Variants in SLAMF9 observed in about 807,000 individuals in gnomAD.
SLAMF9 encodes SLAM family member 9.
Under a neutral mutation model 30.4 loss-of-function variants are expected in SLAMF9, and 25 were observed. The ratio of observed to expected loss-of-function variants is 0.82; its 90% CI spans 0.60 to 1.15. SLAMF9 has a LOEUF of 1.15. Among genes scored for constraint, SLAMF9 ranks in the 50% most tolerant of loss-of-function variants. The pLI, the probability that SLAMF9 is intolerant of heterozygous loss-of-function variation, is 0.00. For missense variants in SLAMF9, 344 were observed against 346.1 expected (o/e 0.99, Z 0.05); for synonymous variants, 129 against 127.2 (o/e 1.01, Z -0.09).
At chr1:159,958,262 C>T (rs926172791), upstream of SLAMF9, among the ~76,000 whole-genome samples, 11 of 152,316 alleles carry the variant, frequency 7.2e-5, no homozygotes, top group East Asian at 1.9e-3. Flanking sequence ...GGAGCCGAGG[C>T]TGCTACAGTG....
chr1:159,976,269 A>G, the SLAMF9 span, among the ~76,000 whole-genome samples: 1 of 152,240 alleles, frequency 6.6e-6, no homozygotes, highest in African/African-American at 2.4e-5. Context: ...ATAATGAAAT[A>G]TAATGTAGCC....
At chr1:159,977,884 G>A in the SLAMF9 span, among the ~76,000 whole-genome samples, 1 of 152,134 alleles carries the variant, frequency 6.6e-6, no homozygotes, top group African/African-American at 2.4e-5. Flanking sequence ...GAGATCAAAG[G>A]CTCGCCAAAC....
Position 159,951,644 on chromosome 1 carries a change from G to A in SLAMF9, c.*17C>T, listed in dbSNP as rs370276711. The stretch of plus-strand genomic sequence containing the variant: ...TGGGAAGAAACCAAGCTCAGGACTG[G>A]GGTTCCCAAGGAGCAGTCAGGCAGG... On this transcript the variant is annotated 3_prime_UTR_variant, in exon 4 of 4. Coordinates refer to ENST00000368093, the MANE Select transcript of SLAMF9 (RefSeq NM_033438.4). The A allele has an allele frequency of 1.8e-5, 29 of 1,612,220 alleles. No homozygotes were observed. Among genetic ancestry groups the A allele is most frequent in the Non-Finnish European group, 2.4e-5 (28 of 1,179,106 alleles).
the SLAMF9 span, among the ~76,000 whole-genome samples, chr1:159,969,138 T>C: frequency 1.3e-5 from 2 of 151,772 alleles, no homozygotes; most frequent in Non-Finnish European, 2.9e-5. Context: ...AAGTGGAGGG[T>C]CAAGGAGCAA....
At chr1:159,956,311 T>A (rs1183792961), upstream of SLAMF9, among the ~76,000 whole-genome samples, 3 of 152,108 alleles carry the variant, frequency 2.0e-5, no homozygotes, top group South Asian at 4.2e-4. Flanking sequence ...ACAAAAAAAA[T>A]TTTTAAACAT....
chr1:159,972,062 G>C, the SLAMF9 span, among the ~76,000 whole-genome samples: 3,367 of 152,234 alleles, frequency 0.022, 59 homozygotes, highest in Middle Eastern at 0.075. Flanking sequence ...AGACAACCCT[G>C]GGGGGAGGGT....
At chr1:159,952,911 A>G (rs974273953) in intron 2 of SLAMF9, among the ~76,000 whole-genome samples, 4 of 152,224 alleles carry the variant, frequency 2.6e-5, no homozygotes, top group African/African-American at 9.6e-5. Flanking sequence ...AGTGTGACAG[A>G]CACTAAGAAG....
At chr1:159,952,124 A>G (rs1651766189) in intron 3 of SLAMF9, 138 bp downstream of exon 3, 15 of 1,031,748 alleles carry the variant, frequency 1.5e-5, no homozygotes, top group African/African-American at 3.2e-5. Flanking sequence ...CTCCTCTCCA[A>G]TCCAGGTGTC....
upstream of SLAMF9, among the ~76,000 whole-genome samples, chr1:159,957,069 C>T (rs1651936181): frequency 2.1e-5 from 3 of 140,652 alleles, no homozygotes; most frequent in South Asian, 6.8e-4. Context: ...TTGCAGTGAG[C>T]CGAGATCGTG....
At chr1:159,964,793 A>G in the SLAMF9 span, among the ~76,000 whole-genome samples, 1 of 152,184 alleles carries the variant, frequency 6.6e-6, no homozygotes, top group African/African-American at 2.4e-5. Flanking sequence ...CCTCAGTGTT[A>G]TTATTATTGT....
chr1:159,953,719 G>C, intron 1 of SLAMF9, 66 bp from the exon 2 acceptor site: 10 of 1,403,330 alleles, frequency 7.1e-6, no homozygotes, highest in Non-Finnish European at 9.7e-6. Context: ...ACCTGGCAGT[G>C]GAGCTGCCAG....
chr1:159,975,552 G>C, the SLAMF9 span, among the ~76,000 whole-genome samples: 7 of 152,088 alleles, frequency 4.6e-5, no homozygotes, highest in Non-Finnish European at 1.0e-4. Context: ...AACTACACCA[G>C]AGCAGTGGGA....
At chr1:159,972,863 G>C in the SLAMF9 span, 1 of 969,860 alleles carries the variant, frequency 1.0e-6, no homozygotes, top group African/African-American at 1.7e-5. Context: ...TGGGATGGGA[G>C]GCTCAGCCTG....
the SLAMF9 span, among the ~76,000 whole-genome samples, chr1:159,979,419 T>C: frequency 1.3e-5 from 2 of 152,242 alleles, no homozygotes; most frequent in Non-Finnish European, 2.9e-5. Flanking sequence ...AAGATGTTTA[T>C]AAATGTTCAG....
At chr1:159,955,569 A>G (rs75017125), upstream of SLAMF9, among the ~76,000 whole-genome samples, 1,209 of 152,340 alleles carry the variant, frequency 7.9e-3, 18 homozygotes, top group African/African-American at 0.028. Flanking sequence ...AGTAGCTTCT[A>G]TGGTCCATAC....
chr1:159,973,348 C>A, the SLAMF9 span: 2 of 569,352 alleles, frequency 3.5e-6, no homozygotes, highest in Non-Finnish European at 6.2e-6. Flanking sequence ...GAGGCTGAGG[C>A]CTGAGCTTCT....
the SLAMF9 span, among the ~76,000 whole-genome samples, chr1:159,970,721 T>C: frequency 6.6e-6 from 1 of 152,178 alleles, no homozygotes; most frequent in Admixed American, 6.5e-5. Context: ...TAGCCAAGTG[T>C]ACAGTCAGAA....
At chr1:159,965,703 T>C in the SLAMF9 span, 6 of 152,244 alleles carry the variant, frequency 3.9e-5, no homozygotes, top group Non-Finnish European at 8.8e-5. Flanking sequence ...ACCTCATCTT[T>C]GATCCACTAT....
At chr1:159,957,173 G>A (rs115434279), upstream of SLAMF9, among the ~76,000 whole-genome samples, 2,060 of 146,324 alleles carry the variant, frequency 0.014, 51 homozygotes, top group African/African-American at 0.049. Context: ...TACAAGTAGA[G>A]AGTAGAGTGG....
Sources: allele counts gnomAD v4.1 joint callset (sites outside exome capture counted in the v4.1 genomes callset), GRCh38; gene constraint gnomAD v4.1.1; transcripts MANE v1.5; gene names NCBI Gene and HGNC (gene_info 2026-07-23, HGNC 2026-07-21).